The following REPS1 variants were observed in gnomAD, a reference collection of about 807,000 sequenced individuals.
REPS1 encodes the protein ralBP1-associated Eps domain-containing protein 1.
REPS1 carries 39 observed loss-of-function variants against 100.9 expected under a neutral mutation model. The ratio of observed to expected loss-of-function variants is 0.39; its 90% CI spans 0.30 to 0.50. The LOEUF is 0.50. Ranked by LOEUF, REPS1 falls within the 20% of genes least tolerant of loss-of-function variation. The pLI is 0.86. For missense variants in REPS1, 821 were observed against 968.5 expected (o/e 0.85, Z 2.02); for synonymous variants, 324 against 340.3 (o/e 0.95, Z 0.53).
At chr6:138,984,527 C>T (rs1227709938) in intron 1 of REPS1, among the ~76,000 whole-genome samples, 3 of 152,184 alleles carry the variant, frequency 2.0e-5, no homozygotes, top group African/African-American at 7.2e-5. Context: ...CTGGCCTCTA[C>T]CCACTAGATG....
At chr6:138,949,361 CT>C in intron 1 of REPS1, among the ~76,000 whole-genome samples, 1 of 152,170 alleles carries the variant, frequency 6.6e-6, no homozygotes, top group Non-Finnish European at 1.5e-5. Context: ...ATTTGCATTT[CT>C]TTTCCTGACT....
chr6:138,916,956 T>C (rs191521458), intron 13 of REPS1, among the ~76,000 whole-genome samples: 390 of 152,358 alleles, frequency 2.6e-3, no homozygotes, highest in Non-Finnish European at 3.5e-3. Context: ...GACTCTAAGC[T>C]GCTTGGAGAT....
At position 138,908,665 on chromosome 6, in the gene REPS1, T is replaced by A. The variant is rs774235140; in HGVS notation, c.2216+3A>T. The A allele has an allele frequency of 1.2e-6, 2 of 1,613,922 alleles. No individual in the cohort carries two copies. Among genetic ancestry groups the A allele is most frequent in the Non-Finnish European group, 1.7e-6 (2 of 1,179,958 alleles). On this transcript the variant is annotated splice_donor_region_variant and intron_variant, in intron 18 of 19. Transcript: ENST00000450536. ...AAATGTGTCTAGGAATAGCTTTGAT[T>A]ACCTGGGAATAGAAGGTTGTGATGC...
chr6:138,909,767 CCCCAGCCA>C (rs1177056434), intron 17 of REPS1, among the ~76,000 whole-genome samples: 1 of 151,420 alleles, frequency 6.6e-6, no homozygotes, highest in African/African-American at 2.4e-5. Context: ...CCTGAGGCCT[CCCCAGCCA>C]TGCAGAGCTG....
intron 10 of REPS1, among the ~76,000 whole-genome samples, chr6:138,923,018 A>C (rs1325321150): frequency 1.3e-5 from 2 of 152,216 alleles, no homozygotes; most frequent in African/African-American, 2.4e-5. Flanking sequence ...CCCCTACACC[A>C]CAGAGAATCT....
chr6:138,979,018 T>TA (rs1784760612), intron 1 of REPS1, among the ~76,000 whole-genome samples: 1 of 151,726 alleles, frequency 6.6e-6, no homozygotes, highest in Non-Finnish European at 1.5e-5. Flanking sequence ...CTGTCTCTAC[T>TA]AAGAAGACAA....
At chr6:138,908,633 A>G in intron 18 of REPS1, 35 bp downstream of exon 18, 1 of 1,609,726 alleles carries the variant, frequency 6.2e-7, no homozygotes, top group Non-Finnish European at 8.5e-7. Context: ...TTTTCTTCCT[A>G]GTAATTAAAT....
chr6:138,928,494 T>C lies in REPS1; in HGVS notation c.1257+1483A>G, dbSNP rs535618923. On this transcript the variant is annotated intron_variant, in intron 9 of 19. Coordinates refer to ENST00000450536, the MANE Select transcript of REPS1 (RefSeq NM_001286611.2). ...TATTAACATTTTGATTTTTCACATATCGAAAAAAAATTATGACATTCATGA... is the reference window on the plus strand; with the variant it reads ...TATTAACATTTTGATTTTTCACATACCGAAAAAAAATTATGACATTCATGA... 2.0e-4 allele frequency: 30 copies of C among 149,378 alleles called. No homozygotes were observed. The East Asian group carries it at 5.8e-3, about 29-fold the overall frequency. 9.3% of individuals were successfully genotyped at this position (149,378 alleles called of 1,614,324 possible).
Position 138,916,218 on chromosome 6 carries a change from C to CTTTTT in REPS1, c.1602-247_1602-243dup, listed in dbSNP as rs10582137. On this transcript the variant is annotated intron_variant, in intron 13 of 19. Transcript: ENST00000450536. ...GTTATTAAGCAAAATTTCTTTTTTT[C>CTTTTT]TTTTTTTTTTTTTTTTTTTTTTGAG... is the stretch of plus-strand genomic sequence containing the variant. The CTTTTT allele has an allele frequency of 1.3e-4, 27 of 207,418 alleles. 1 individual carries two copies. The highest frequency in any genetic ancestry group is 1.8e-4 in the East Asian group (1 of 5,528). The allele number at this position is 207,418 out of a possible 1,614,324, so 12.8% of individuals were successfully genotyped here. A position where few individuals can be genotyped will look rare whatever the true frequency, so the allele number is the denominator to read the frequency against.
intron 1 of REPS1, among the ~76,000 whole-genome samples, chr6:138,967,568 T>C (rs1784092417): frequency 6.6e-6 from 1 of 152,198 alleles, no homozygotes; most frequent in African/African-American, 2.4e-5. Flanking sequence ...GCAATAATTT[T>C]AGGGTAAAGG....
intron 1 of REPS1, among the ~76,000 whole-genome samples, chr6:138,949,624 G>A (rs1782867802): frequency 6.6e-6 from 1 of 152,070 alleles, no homozygotes; most frequent in South Asian, 2.1e-4. Flanking sequence ...TACTCGGGGG[G>A]CTGAGGTGAG....
chr6:138,943,593 GTGT>G lies in REPS1; in HGVS notation c.917-20_917-18del. On this transcript the variant is annotated intron_variant, in intron 6 of 19. Transcript: ENST00000450536. ...CTGCAGATCCTGAAATATTAAAACA[GTGT>G]TGTTTAATGTTATTCTGAACTTACG... The G allele has an allele frequency of 6.5e-7, 1 of 1,537,552 alleles. No individual in the cohort carries two copies. The highest frequency in any genetic ancestry group is 9.0e-7 in the Non-Finnish European group (1 of 1,113,938).
At chr6:138,965,177 G>T (rs1463961430) in intron 1 of REPS1, among the ~76,000 whole-genome samples, 2 of 152,056 alleles carry the variant, frequency 1.3e-5, no homozygotes, top group African/African-American at 4.8e-5. Flanking sequence ...CTCATAATCA[G>T]TCTCACTGTC....
intron 10 of REPS1, among the ~76,000 whole-genome samples, chr6:138,924,870 A>C (rs996365593): frequency 6.6e-6 from 1 of 152,204 alleles, no homozygotes; most frequent in African/African-American, 2.4e-5. Flanking sequence ...GACTAAAATA[A>C]AAAATAAATG....
At chr6:138,960,672 G>T (rs1012863497) in intron 1 of REPS1, among the ~76,000 whole-genome samples, 3 of 152,120 alleles carry the variant, frequency 2.0e-5, no homozygotes, top group Non-Finnish European at 4.4e-5. Flanking sequence ...TGCTGGAAAA[G>T]GAGTATTTAG....
chr6:138,914,896 AC>A, intron 14 of REPS1, 135 bp from the exon 15 acceptor site: 1 of 740,218 alleles, frequency 1.4e-6, no homozygotes, highest in Non-Finnish European at 2.2e-6. Context: ...GCAAGTACTA[AC>A]TTGTTACATG....
Position 138,945,627 on chromosome 6 carries a change from A to G in REPS1, c.348T>C (p.Tyr116=). 6 of 1,613,814 alleles carry G rather than the reference A, an allele frequency of 3.7e-6. No homozygotes were observed. The highest frequency in any genetic ancestry group is 1.1e-5 in the South Asian group (1 of 90,996). The change falls in exon 3 of 20, where the codon TAT becomes TAC. Residue 116 remains tyrosine (Y), a synonymous_variant. Coordinates refer to ENST00000450536, the MANE Select transcript of REPS1 (RefSeq NM_001286611.2). ...NEQESRHAAS[Y]SSDSENQGSY... ...ACCCTTGATTTTCAGAATCTGAAGA[A>G]TATGAGGCTGCATGGCGAGATTCCT...
intron 14 of REPS1, chr6:138,915,006 CTATTCCCA>C (rs1554283952): frequency 2.2e-6 from 1 of 463,402 alleles, no homozygotes. Context: ...ATACTCCTGC[CTATTCCCA>C]TAATAGCAAA....
rs761659085 is a variant in REPS1 at position 138,911,343 on chromosome 6, G to A, written c.2000C>T (p.Ser667Phe). ...ACTATCTGTTTTGGCAACTCGAAGAGAACTTGCAGGATCAGAAGCTTTTTC... is the reference window on the plus strand; with the variant it reads ...ACTATCTGTTTTGGCAACTCGAAGAAAACTTGCAGGATCAGAAGCTTTTTC... ...PAEKASDPASSLRVAKTDSKT... is the reference protein window; with the variant it reads ...PAEKASDPASFLRVAKTDSKT... Residue 667 changes from serine (S) to phenylalanine (F), a missense_variant, in exon 17 of 20, where the codon TCT becomes TTT. Around this residue, in one of 3 missense-constraint regions of REPS1, gnomAD observed 757 missense variants for 866.4 expected, o/e 0.87. Transcript: ENST00000450536. 6.2e-7 allele frequency: 1 copy of A among 1,613,418 alleles called. No homozygotes were observed. Among genetic ancestry groups the A allele is most frequent in the Non-Finnish European group, 8.5e-7 (1 of 1,179,444 alleles).
Sources: allele counts gnomAD v4.1 joint callset (sites outside exome capture counted in the v4.1 genomes callset), GRCh38; gene constraint gnomAD v4.1.1; regional missense constraint gnomAD v4.1.1; transcripts MANE v1.5; gene names NCBI Gene and HGNC (gene_info 2026-07-23, HGNC 2026-07-21).